SIPA1L1: variants seen among roughly 807,000 people sequenced by gnomAD.
SIPA1L1 encodes signal induced proliferation associated 1 like 1, also known as signal-induced proliferation-associated 1-like protein 1.
SIPA1L1 carries 26 observed loss-of-function variants against 162.7 expected under a neutral mutation model. The ratio of observed to expected loss-of-function variants is 0.16; its 90% CI spans 0.12 to 0.22. SIPA1L1 has a LOEUF of 0.22. Ranked by LOEUF, SIPA1L1 falls within the 10% of genes least tolerant of loss-of-function variation. The pLI, the probability that SIPA1L1 is intolerant of heterozygous loss-of-function variation, is 1.00. For missense variants in SIPA1L1, 1,874 were observed against 2,241.0 expected, an observed-to-expected ratio of 0.84 and a Z score of 3.31; for synonymous variants, 829 against 837.4, an observed-to-expected ratio of 0.99 and a Z score of 0.17.
intron 2 of SIPA1L1, among the ~76,000 whole-genome samples, chr14:71,480,555 A>G (rs2048277014): frequency 1.3e-5 from 2 of 151,620 alleles, no homozygotes; most frequent in South Asian, 4.2e-4. Context: ...TGAGGTCAGG[A>G]GTTTGAAACC....
At chr14:71,473,789 T>C (rs2047648298) in intron 2 of SIPA1L1, among the ~76,000 whole-genome samples, 1 of 152,220 alleles carries the variant, frequency 6.6e-6, no homozygotes, top group Non-Finnish European at 1.5e-5. Flanking sequence ...AGAAATGTTC[T>C]CAGAAGGAGT....
chr14:71,352,055 C>G (rs1193687926), intron 2 of SIPA1L1, among the ~76,000 whole-genome samples: 4 of 151,382 alleles, frequency 2.6e-5, no homozygotes, highest in African/African-American at 9.7e-5. Flanking sequence ...AACAGTGAGA[C>G]TGGTGGAAAT....
intron 2 of SIPA1L1, among the ~76,000 whole-genome samples, chr14:71,396,184 T>C (rs2041186757): frequency 6.6e-6 from 1 of 152,200 alleles, no homozygotes; most frequent in Admixed American, 6.5e-5. Context: ...CTAGTAAATA[T>C]TTATTGAGGA....
At chr14:71,692,780 G>T (rs571339833) in intron 13 of SIPA1L1, among the ~76,000 whole-genome samples, 2 of 152,268 alleles carry the variant, frequency 1.3e-5, no homozygotes, top group South Asian at 2.1e-4. Context: ...TAGCTATTCT[G>T]CACTCACCCT....
At chr14:71,362,721 ATTAAAATATCCTGTAGTG>A (rs1267759887) in intron 2 of SIPA1L1, among the ~76,000 whole-genome samples, 16 of 152,230 alleles carry the variant, frequency 1.1e-4, no homozygotes, top group African/African-American at 3.9e-4. Context: ...GAAATTTCCA[ATTAAAATATCCTGTAGTG>A]TTGACTGTAG....
chr14:71,510,847 C>T (rs147416077), intron 2 of SIPA1L1, among the ~76,000 whole-genome samples: 4 of 152,178 alleles, frequency 2.6e-5, no homozygotes, highest in African/African-American at 4.8e-5. Context: ...TGAATAAGTA[C>T]GGGCCTTGAC....
rs938216081 is a variant in SIPA1L1 at position 71,732,627 on chromosome 14, A to G, written c.4862-1039A>G. Reference sequence around the variant, plus strand: ...CAATGGTTTAATATTTGTATTCAACAAAATGTCCCCTTAGGAAGAGCTTGG... The same window carrying G: ...CAATGGTTTAATATTTGTATTCAACGAAATGTCCCCTTAGGAAGAGCTTGG... On this transcript the variant is annotated intron_variant, in intron 20 of 23. Transcript: ENST00000381232. Among the ~76,000 whole-genome samples the G allele has an allele frequency of 2.6e-5, 4 of 152,262 alleles. No homozygotes were observed. In the East Asian group the frequency reaches 7.7e-4, roughly 29 times the overall value.
In SIPA1L1 at chr14:71,459,437, ATATC is replaced by A. The variant is rs530044896; in HGVS notation, c.-464-53293_-464-53290del. On this transcript the variant is annotated intron_variant, in intron 2 of 23. Coordinates refer to ENST00000381232, the MANE Select transcript of SIPA1L1 (RefSeq NM_001386936.1). The stretch of plus-strand genomic sequence containing the variant: ...TAATAGAAGATATGTAATATTTAGG[ATATC>A]TATCTATCTATCCATCCAGAGAGAG... Among the ~76,000 whole-genome samples the A allele has an allele frequency of 3.0e-4, 46 of 152,068 alleles. 1 individual carries two copies. The highest frequency in any genetic ancestry group is 6.2e-4 in the South Asian group (3 of 4,822).
chr14:71,620,652 G>A (rs2039335051), intron 6 of SIPA1L1, among the ~76,000 whole-genome samples: 1 of 151,874 alleles, frequency 6.6e-6, no homozygotes, highest in Non-Finnish European at 1.5e-5. Context: ...TGGTTTCCAC[G>A]AGCTTCCCTT....
intron 2 of SIPA1L1, among the ~76,000 whole-genome samples, chr14:71,373,699 T>TATAA (rs2039109913): frequency 6.6e-6 from 1 of 151,778 alleles, no homozygotes; most frequent in Non-Finnish European, 1.5e-5. Flanking sequence ...AAAATGTATA[T>TATAA]ACTTTTCAAA....
At chr14:71,341,625 C>T (rs2035662298) in intron 2 of SIPA1L1, among the ~76,000 whole-genome samples, 1 of 152,100 alleles carries the variant, frequency 6.6e-6, no homozygotes, top group Non-Finnish European at 1.5e-5. Flanking sequence ...TCGTACCCAA[C>T]AGTTAGTTTT....
intron 4 of SIPA1L1, among the ~76,000 whole-genome samples, chr14:71,579,460 A>G (rs1035213517): frequency 6.6e-6 from 1 of 152,152 alleles, no homozygotes; most frequent in Non-Finnish European, 1.5e-5. Flanking sequence ...GTGAGGACTG[A>G]AGGAGAGGAA....
At chr14:71,341,368 A>T (rs1286389942) in intron 2 of SIPA1L1, among the ~76,000 whole-genome samples, 1 of 152,192 alleles carries the variant, frequency 6.6e-6, no homozygotes, top group African/African-American at 2.4e-5. Context: ...TGGATTGTGC[A>T]ATTGTCATCT....
At chr14:71,326,706 T>C (rs1297972422) in intron 2 of SIPA1L1, among the ~76,000 whole-genome samples, 1 of 150,926 alleles carries the variant, frequency 6.6e-6, no homozygotes, top group Non-Finnish European at 1.5e-5. Context: ...AGATAGGAAA[T>C]GTAATTTGCT....
intron 7 of SIPA1L1, among the ~76,000 whole-genome samples, chr14:71,627,305 C>T (rs1356592516): frequency 1.3e-5 from 2 of 151,686 alleles, no homozygotes; most frequent in Non-Finnish European, 2.9e-5. Context: ...CACCACCACT[C>T]CTGGCTAATT....
At chr14:71,479,713 C>G (rs2048192262) in intron 2 of SIPA1L1, among the ~76,000 whole-genome samples, 1 of 151,896 alleles carries the variant, frequency 6.6e-6, no homozygotes. Flanking sequence ...TGTCTAAACC[C>G]CTGTTTTGTT....
At chr14:71,414,261 C>A (rs1217104589) in intron 2 of SIPA1L1, among the ~76,000 whole-genome samples, 1 of 152,188 alleles carries the variant, frequency 6.6e-6, no homozygotes, top group East Asian at 1.9e-4. Context: ...CACCTGTAAT[C>A]TCAGCTACTT....
At chr14:71,494,307 T>C (rs2049537265) in intron 2 of SIPA1L1, among the ~76,000 whole-genome samples, 1 of 152,112 alleles carries the variant, frequency 6.6e-6, no homozygotes, top group Admixed American at 6.5e-5. Flanking sequence ...TTTTTTCTTT[T>C]TCTTTTTAAA....
intron 13 of SIPA1L1, among the ~76,000 whole-genome samples, chr14:71,697,748 G>A (rs952056619): frequency 1.3e-5 from 2 of 152,152 alleles, no homozygotes; most frequent in African/African-American, 2.4e-5. Flanking sequence ...AAGCTTCTCA[G>A]CTTCCTATAC....
Sources: gnomAD v4.1 joint callset for allele counts (sites outside exome capture counted in the v4.1 genomes callset) on GRCh38, gnomAD v4.1.1 for gene constraint, MANE v1.5 for transcripts, NCBI Gene and HGNC (gene_info 2026-07-23, HGNC 2026-07-21) for gene names.